Variants in SEPTIN14 observed in about 807,000 individuals in gnomAD.
The protein encoded by SEPTIN14 is septin 14.
A neutral mutation model predicts 53.6 loss-of-function variants in SEPTIN14; 40 were observed. That is an observed-to-expected ratio of 0.75 (90% CI 0.58 to 0.97). SEPTIN14 has a LOEUF of 0.97. Ranked by LOEUF, SEPTIN14 falls within the 50% of genes least tolerant of loss-of-function variation. The pLI is 0.00. For synonymous variants in SEPTIN14, 138 were observed against 166.8 expected, an observed-to-expected ratio of 0.83 and a Z score of 1.33; for missense variants, 471 against 508.2, an observed-to-expected ratio of 0.93 and a Z score of 0.70.
At chr7:55,821,520 A>T (rs924201978) in intron 6 of SEPTIN14, among the ~76,000 whole-genome samples, 1 of 152,230 alleles carries the variant, frequency 6.6e-6, no homozygotes, top group Non-Finnish European at 1.5e-5. Flanking sequence ...AAGAAAGACC[A>T]AAGTTAGAGG....
chr7:55,834,029 T>C (rs1302850477), intron 6 of SEPTIN14, among the ~76,000 whole-genome samples: 7 of 151,846 alleles, frequency 4.6e-5, no homozygotes, highest in East Asian at 3.9e-4. Context: ...CAATAACAAA[T>C]AGAGAAACTA....
intron 3 of SEPTIN14, among the ~76,000 whole-genome samples, chr7:55,845,271 C>T (rs181082128): frequency 1.6e-3 from 244 of 149,616 alleles, no homozygotes; most frequent in Middle Eastern, 3.6e-3. Flanking sequence ...CTCATTGTAG[C>T]GCTATTCACA....
At chr7:55,849,223 G>A (rs183702847) in intron 2 of SEPTIN14, among the ~76,000 whole-genome samples, 2 of 151,994 alleles carry the variant, frequency 1.3e-5, no homozygotes, top group Admixed American at 1.3e-4. Context: ...TACTCGGGAG[G>A]CTGAGGCAGG....
At chr7:55,811,983 T>C (rs1017268471) in intron 7 of SEPTIN14, among the ~76,000 whole-genome samples, 8 of 151,620 alleles carry the variant, frequency 5.3e-5, no homozygotes, top group Admixed American at 2.0e-4. Flanking sequence ...TTAGTAGAAA[T>C]GGGGTTTTGC....
chr7:55,840,498 A>G (rs1211186462), intron 5 of SEPTIN14, among the ~76,000 whole-genome samples: 1 of 152,064 alleles, frequency 6.6e-6, no homozygotes, highest in African/African-American at 2.4e-5. Flanking sequence ...TCGAAAAAAA[A>G]AGACAAAATG....
intron 7 of SEPTIN14, among the ~76,000 whole-genome samples, 155 bp from the exon 8 acceptor site, chr7:55,807,413 T>C (rs1788627724): frequency 6.6e-6 from 1 of 152,204 alleles, no homozygotes; most frequent in Admixed American, 6.5e-5. Context: ...AGCATGTAAG[T>C]GTGGTTGTAC....
At chr7:55,807,010 C>T (rs1788619590) in intron 8 of SEPTIN14, 80 bp downstream of exon 8, 2 of 991,002 alleles carry the variant, frequency 2.0e-6, no homozygotes, top group Non-Finnish European at 2.9e-6. Context: ...TAATTATTCT[C>T]ATATCCAAAT....
chr7:55,811,432 G>A, intron 7 of SEPTIN14: 1 of 401,828 alleles, frequency 2.5e-6, no homozygotes, highest in Non-Finnish European at 5.0e-6. Flanking sequence ...GGAGGCTGCA[G>A]GGAGCGATGG....
At chr7:55,860,843 C>A (rs973387405) in intron 2 of SEPTIN14, among the ~76,000 whole-genome samples, 1 of 152,084 alleles carries the variant, frequency 6.6e-6, no homozygotes, top group Non-Finnish European at 1.5e-5. Flanking sequence ...AGAGAGTAAG[C>A]CCCCACCTGA....
chr7:55,819,780 C>T (rs1208145714), intron 6 of SEPTIN14, among the ~76,000 whole-genome samples: 1 of 152,058 alleles, frequency 6.6e-6, no homozygotes, highest in African/African-American at 2.4e-5. Context: ...CTGTGGGAAA[C>T]ACATAGAAAA....
chr7:55,852,153 A>G (rs1789528896), intron 2 of SEPTIN14, among the ~76,000 whole-genome samples: 1 of 148,106 alleles, frequency 6.8e-6, no homozygotes, highest in Non-Finnish European at 1.5e-5. Context: ...AAAAAAAAAA[A>G]GAAGAAGAAA....
At position 55,829,101 on chromosome 7, in the gene SEPTIN14, G is replaced by A. The variant is rs146774846; in HGVS notation, c.720+5324C>T. On this transcript the variant is annotated intron_variant, in intron 6 of 9. Transcript: ENST00000388975. ...AAGAAAATTGATATGGTGCTAGGCC[G>A]GGCACGGTGGCTCACGCCTATAATC... Among the ~76,000 whole-genome samples the A allele has an allele frequency of 9.8e-4, 148 of 151,728 alleles. 2 individuals are homozygous for A. Among genetic ancestry groups the A allele is most frequent in the African/African-American group, 3.3e-3 (138 of 41,430 alleles).
intron 4 of SEPTIN14, among the ~76,000 whole-genome samples, chr7:55,844,241 AC>A (rs1484155898): frequency 6.6e-6 from 1 of 152,192 alleles, no homozygotes; most frequent in African/African-American, 2.4e-5. Flanking sequence ...TACAACGTCT[AC>A]GGAAAATTTG....
At chr7:55,803,713 A>G (rs1788560725) in intron 9 of SEPTIN14, among the ~76,000 whole-genome samples, 1 of 152,160 alleles carries the variant, frequency 6.6e-6, no homozygotes, top group Non-Finnish European at 1.5e-5. Flanking sequence ...CTCCAGAGAG[A>G]AAGAAAAAAG....
intron 2 of SEPTIN14, among the ~76,000 whole-genome samples, chr7:55,856,410 G>T (rs549036161): frequency 1.1e-3 from 161 of 144,390 alleles, no homozygotes; most frequent in Admixed American, 4.7e-3. Context: ...TTTTTTTTTT[G>T]ATATGGAATC....
intron 2 of SEPTIN14, among the ~76,000 whole-genome samples, chr7:55,848,808 C>T (rs964496573): frequency 2.0e-5 from 3 of 150,606 alleles, no homozygotes; most frequent in East Asian, 2.0e-4. Context: ...GGGGTTTCAC[C>T]GTGTTAGCCA....
At chr7:55,809,660 C>T (rs540585202) in intron 7 of SEPTIN14, among the ~76,000 whole-genome samples, 3 of 150,822 alleles carry the variant, frequency 2.0e-5, no homozygotes, top group African/African-American at 4.9e-5. Flanking sequence ...CCAGCCAGTA[C>T]TATGCTAATT....
chr7:55,828,844 G>T (rs893819121), intron 6 of SEPTIN14, among the ~76,000 whole-genome samples: 1 of 151,956 alleles, frequency 6.6e-6, no homozygotes, highest in Non-Finnish European at 1.5e-5. Context: ...CGAGCTTCTC[G>T]TATCTGGATG....
intron 5 of SEPTIN14, among the ~76,000 whole-genome samples, chr7:55,840,871 C>T (rs1159159877): frequency 6.6e-6 from 1 of 151,776 alleles, no homozygotes; most frequent in Non-Finnish European, 1.5e-5. Flanking sequence ...AATACTGTAC[C>T]TTTGCTTTTT....
Sources: gnomAD v4.1 joint callset for allele counts (sites outside exome capture counted in the v4.1 genomes callset) on GRCh38, gnomAD v4.1.1 for gene constraint, MANE v1.5 for transcripts, NCBI Gene and HGNC (gene_info 2026-07-23, HGNC 2026-07-21) for gene names.